CSRP3: variants seen among roughly 807,000 people sequenced by gnomAD.
CSRP3 encodes the protein cysteine and glycine rich protein 3.
A neutral mutation model predicts 24.3 loss-of-function variants in CSRP3; 24 were observed. The observed-to-expected ratio is 0.99, with a 90% CI of 0.71 to 1.39. CSRP3 has a LOEUF of 1.39. Ranked by LOEUF, CSRP3 falls within the 40% of genes most tolerant of loss-of-function variation. The probability of loss-of-function intolerance (pLI) is 0.00; values close to 1 mark genes in which losing one functional copy is unlikely to be tolerated. For missense variants in CSRP3, 240 were observed against 249.0 expected, an observed-to-expected ratio of 0.96 and a Z score of 0.24; for synonymous variants, 105 against 94.0, an observed-to-expected ratio of 1.12 and a Z score of -0.68.
At chr11:19,188,781 C>G (rs915756965) in intron 2 of CSRP3, among the ~76,000 whole-genome samples, 1 of 152,048 alleles carries the variant, frequency 6.6e-6, no homozygotes, top group African/African-American at 2.4e-5. Context: ...CTGTGATATT[C>G]AAGCAGACAA....
chr11:19,198,776 A>G (rs1482897601), intron 1 of CSRP3, among the ~76,000 whole-genome samples: 1 of 152,238 alleles, frequency 6.6e-6, no homozygotes. Context: ...ACTGTTGAAC[A>G]CTGGGCAAGT....
At chr11:19,199,522 A>C (rs543931204) in intron 1 of CSRP3, among the ~76,000 whole-genome samples, 4 of 152,096 alleles carry the variant, frequency 2.6e-5, no homozygotes, top group Admixed American at 6.5e-5. Context: ...TGACCTCTAC[A>C]ATTTATTTCT....
intron 5 of CSRP3, among the ~76,000 whole-genome samples, chr11:19,184,263 A>G (rs1461733190): frequency 6.6e-6 from 1 of 152,190 alleles, no homozygotes; most frequent in African/African-American, 2.4e-5. Context: ...GCAACAGAAT[A>G]GGCCTAGGCT....
chr11:19,188,790 A>C (rs995840135), intron 2 of CSRP3, among the ~76,000 whole-genome samples: 1 of 152,126 alleles, frequency 6.6e-6, no homozygotes, highest in Non-Finnish European at 1.5e-5. Flanking sequence ...TCAAGCAGAC[A>C]ATTGCCATTG....
chr11:19,190,078 C>T (rs1178965902), intron 2 of CSRP3, among the ~76,000 whole-genome samples: 1 of 152,242 alleles, frequency 6.6e-6, no homozygotes, highest in East Asian at 1.9e-4. Context: ...CCTCTGTAAA[C>T]ATTTATTGAG....
At position 19,189,261 on chromosome 11, in the gene CSRP3, C is replaced by T. The variant is rs182956695; in HGVS notation, c.113-957G>A. On this transcript the variant is annotated intron_variant, in intron 2 of 5. Coordinates refer to ENST00000265968, the MANE Select transcript of CSRP3 (RefSeq NM_003476.5). ...ACTTCTATCTGTACGTTTAAAGAGG[C>T]AGCCCTGTTTTATACCTGAGTAGGA... 7.9e-5 allele frequency among the ~76,000 whole-genome samples: 12 copies of T among 152,310 alleles called. No homozygotes were observed. The East Asian group carries it at 2.3e-3, about 29-fold the overall frequency.
At chr11:19,200,147 A>T (rs1048723394) in intron 1 of CSRP3, among the ~76,000 whole-genome samples, 1 of 152,200 alleles carries the variant, frequency 6.6e-6, no homozygotes, top group African/African-American at 2.4e-5. Context: ...ACGTTCTCAC[A>T]TATTTGTACG....
At chr11:19,189,388 C>G (rs1273073692) in intron 2 of CSRP3, among the ~76,000 whole-genome samples, 6 of 152,116 alleles carry the variant, frequency 3.9e-5, no homozygotes, top group Admixed American at 2.6e-4. Context: ...TAATGACTTG[C>G]TACATTGCTT....
chr11:19,185,858 C>T (rs10833069), intron 4 of CSRP3, among the ~76,000 whole-genome samples: 54,773 of 152,034 alleles, frequency 0.36, 12,029 homozygotes, highest in East Asian at 0.5. Context: ...GTCATGGTGG[C>T]AGCAACAGGT....
At chr11:19,187,034 C>T (rs1360655057) in intron 3 of CSRP3, among the ~76,000 whole-genome samples, 2 of 152,114 alleles carry the variant, frequency 1.3e-5, no homozygotes, top group Admixed American at 6.5e-5. Context: ...AGTGTGACTG[C>T]CCAAGGCCAG....
intron 5 of CSRP3, among the ~76,000 whole-genome samples, chr11:19,183,713 G>T (rs895337689): frequency 2.0e-5 from 3 of 152,126 alleles, no homozygotes; most frequent in African/African-American, 7.2e-5. Flanking sequence ...GCCAGGAGAC[G>T]GCAATCATCT....
intron 2 of CSRP3, among the ~76,000 whole-genome samples, chr11:19,191,146 G>C (rs34072033): frequency 6.6e-6 from 1 of 152,202 alleles, no homozygotes; most frequent in Admixed American, 6.5e-5. Flanking sequence ...GAGAAATTGA[G>C]GTTCACCATG....
At chr11:19,186,455 T>C in intron 3 of CSRP3, 107 bp from the exon 4 acceptor site, 1 of 1,363,366 alleles carries the variant, frequency 7.3e-7, no homozygotes, top group Non-Finnish European at 1.0e-6. Context: ...CTCAGACTCC[T>C]CATCTGGAAA....
intron 5 of CSRP3, among the ~76,000 whole-genome samples, chr11:19,184,331 A>G (rs921287813): frequency 2.6e-5 from 4 of 152,198 alleles, no homozygotes; most frequent in Non-Finnish European, 4.4e-5. Context: ...GATAGTGTCA[A>G]GAAGGAGCTA....
chr11:19,199,664 G>A (rs1401023544), intron 1 of CSRP3, among the ~76,000 whole-genome samples: 1 of 152,052 alleles, frequency 6.6e-6, no homozygotes, highest in Non-Finnish European at 1.5e-5. Flanking sequence ...AACTTTTTGT[G>A]ACCCTTAAAT....
intron 1 of CSRP3, among the ~76,000 whole-genome samples, chr11:19,199,940 C>T (rs911968682): frequency 2.6e-5 from 4 of 152,250 alleles, no homozygotes; most frequent in African/African-American, 9.6e-5. Flanking sequence ...AACTGGAAAT[C>T]TGTCTGCCTC....
At chr11:19,198,835 G>C (rs1322136301) in intron 1 of CSRP3, among the ~76,000 whole-genome samples, 2 of 152,288 alleles carry the variant, frequency 1.3e-5, no homozygotes, top group South Asian at 4.2e-4. Context: ...CTCATGTAAA[G>C]ACAATATGAG....
chr11:19,193,703 A>T (rs1024768535), intron 1 of CSRP3, among the ~76,000 whole-genome samples: 1 of 152,180 alleles, frequency 6.6e-6, no homozygotes, highest in Non-Finnish European at 1.5e-5. Context: ...CTGTAATCCC[A>T]GCTGCTTGAG....
intron 5 of CSRP3, among the ~76,000 whole-genome samples, chr11:19,184,231 T>C (rs1565049995): frequency 2.0e-5 from 3 of 152,310 alleles, no homozygotes; most frequent in East Asian, 1.9e-4. Context: ...GACACCATCA[T>C]TAAGTGATGA....
Sources: gnomAD v4.1 joint callset for allele counts (sites outside exome capture counted in the v4.1 genomes callset) on GRCh38, gnomAD v4.1.1 for gene constraint, MANE v1.5 for transcripts, NCBI Gene and HGNC (gene_info 2026-07-23, HGNC 2026-07-21) for gene names.